ALLC: variants seen among roughly 807,000 people sequenced by gnomAD.
ALLC encodes probable inactive allantoicase.
A neutral mutation model predicts 45.0 loss-of-function variants in ALLC; 40 were observed. That is an observed-to-expected ratio of 0.89 (90% CI 0.69 to 1.16). The LOEUF (loss-of-function observed/expected upper bound fraction) is 1.16. Among genes scored for constraint, ALLC ranks in the 50% most tolerant of loss-of-function variants. The probability of loss-of-function intolerance (pLI) is 0.00; values close to 1 mark genes in which losing one functional copy is unlikely to be tolerated. For missense variants in ALLC, 488 were observed against 493.1 expected (o/e 0.99, Z 0.10); for synonymous variants, 176 against 178.1 (o/e 0.99, Z 0.09).
At chr2:3,684,950 T>C (rs1667286912) in intron 7 of ALLC, among the ~76,000 whole-genome samples, 1 of 152,216 alleles carries the variant, frequency 6.6e-6, no homozygotes, top group Admixed American at 6.5e-5. Context: ...TTAAAATCTA[T>C]TCCTCTGTTA....
intron 1 of ALLC, among the ~76,000 whole-genome samples, chr2:3,669,438 C>T (rs1257790420): frequency 6.6e-6 from 1 of 152,058 alleles, no homozygotes; most frequent in East Asian, 1.9e-4. Flanking sequence ...CATGCCGCTG[C>T]ACTCCAGCCT....
chr2:3,674,049 CTT>C, intron 2 of ALLC, 24 bp from the exon 3 acceptor site: 25 of 794,050 alleles, frequency 3.1e-5, no homozygotes, highest in Non-Finnish European at 3.7e-5. Context: ...GTTGCTTTAT[CTT>C]TCTTTCTTTC....
At chr2:3,678,299 G>A (rs1667078451) in intron 3 of ALLC, among the ~76,000 whole-genome samples, 169 bp from the exon 4 acceptor site, 1 of 152,202 alleles carries the variant, frequency 6.6e-6, no homozygotes, top group South Asian at 2.1e-4. Context: ...TAAAAGCGGA[G>A]GCATCTCTCA....
the ALLC span, among the ~76,000 whole-genome samples, chr2:3,648,613 G>T: frequency 2.0e-5 from 3 of 152,178 alleles, no homozygotes; most frequent in African/African-American, 4.8e-5. Context: ...CACAGGGAAG[G>T]CCTGCCAGCT....
At chr2:3,674,029 C>T in intron 2 of ALLC, 46 bp from the exon 3 acceptor site, 1 of 1,365,608 alleles carries the variant, frequency 7.3e-7, no homozygotes, top group Non-Finnish European at 1.0e-6. Flanking sequence ...AAAATGGTAT[C>T]AGATTTATGG....
chr2:3,672,408 C>T (rs1478537458), intron 2 of ALLC, among the ~76,000 whole-genome samples: 25 of 68,718 alleles, frequency 3.6e-4, no homozygotes, highest in South Asian at 1.9e-3. Context: ...TCTAGTTAGA[C>T]CTGTGGTCCT....
chr2:3,681,205 C>T (rs149932254), intron 5 of ALLC, among the ~76,000 whole-genome samples: 13 of 152,214 alleles, frequency 8.5e-5, no homozygotes, highest in South Asian at 2.1e-4. Flanking sequence ...CAGTGACAAA[C>T]GAGTAAGATT....
intron 1 of ALLC, among the ~76,000 whole-genome samples, chr2:3,668,375 C>G (rs1196306287): frequency 1.3e-5 from 2 of 151,968 alleles, no homozygotes; most frequent in Admixed American, 1.3e-4. Context: ...AGGAGAGCAG[C>G]TTTCATTCTG....
chr2:3,688,655 T>C, intron 7 of ALLC: 1 of 174,002 alleles, frequency 5.7e-6, no homozygotes. Context: ...CCCCTCTAAG[T>C]GAGCCTCAGC....
Position 3,672,425 on chromosome 2 carries a change from C to G in ALLC, c.33+1235C>G, listed in dbSNP as rs573631858. Among the ~76,000 whole-genome samples, 3 of 137,902 alleles carry G rather than the reference C, an allele frequency of 2.2e-5. No individual in the cohort carries two copies. The South Asian group carries it at 7.0e-4, about 32-fold the overall frequency. 90.5% of individuals were successfully genotyped at this position (137,902 alleles called of 152,430 possible). On this transcript the variant is annotated intron_variant, in intron 2 of 11. Coordinates refer to ENST00000252505, the MANE Select transcript of ALLC (RefSeq NM_018436.4). ...TAGTTAGACCTGTGGTCCTCTGGCT[C>G]TGGTTAGATGGGAGGTCCTCTGGCT...
At chr2:3,673,992 T>C in intron 2 of ALLC, 83 bp from the exon 3 acceptor site, 1 of 1,058,564 alleles carries the variant, frequency 9.4e-7, no homozygotes, top group African/African-American at 1.6e-5. Flanking sequence ...TTACTTCATC[T>C]CATAATGTTT....
chr2:3,647,758 G>A, the ALLC span, among the ~76,000 whole-genome samples: 4 of 151,860 alleles, frequency 2.6e-5, no homozygotes, highest in African/African-American at 4.8e-5. Context: ...GGACACTAGC[G>A]TTGTCTCAGC....
chr2:3,650,731 C>G, the ALLC span, among the ~76,000 whole-genome samples: 3 of 152,222 alleles, frequency 2.0e-5, no homozygotes, highest in Non-Finnish European at 4.4e-5. Context: ...ACTACCCCTC[C>G]CATGTGGGTA....
At chr2:3,700,274 G>GT (rs1171183579) in intron 10 of ALLC, among the ~76,000 whole-genome samples, 1 of 152,026 alleles carries the variant, frequency 6.6e-6, no homozygotes, top group Non-Finnish European at 1.5e-5. Flanking sequence ...CCCATTGCTT[G>GT]TTTTTTTAAG....
chr2:3,650,615 C>A, the ALLC span, among the ~76,000 whole-genome samples: 5 of 152,198 alleles, frequency 3.3e-5, no homozygotes, highest in African/African-American at 4.8e-5. Context: ...GCAGTGCGTG[C>A]ACCTCCCTTC....
chr2:3,695,686 A>T, intron 7 of ALLC, 31 bp from the exon 8 acceptor site: 1 of 1,613,726 alleles, frequency 6.2e-7, no homozygotes, highest in East Asian at 2.2e-5. Context: ...CCATTTTTAC[A>T]AACAATAACT....
At chr2:3,689,765 T>C (rs1667422517) in intron 7 of ALLC, among the ~76,000 whole-genome samples, 1 of 150,856 alleles carries the variant, frequency 6.6e-6, no homozygotes, top group East Asian at 2.0e-4. Context: ...TTTGTTGATT[T>C]TCTGTCTGGA....
the ALLC span, among the ~76,000 whole-genome samples, chr2:3,649,328 A>G: frequency 1.4e-5 from 2 of 146,088 alleles, no homozygotes; most frequent in African/African-American, 5.1e-5. Context: ...TGCAAACTCC[A>G]CCTCCTGGGT....
chr2:3,673,941 C>A, intron 2 of ALLC, 134 bp from the exon 3 acceptor site: 1 of 655,680 alleles, frequency 1.5e-6, no homozygotes, highest in Non-Finnish European at 2.7e-6. Flanking sequence ...GGCTTAACTG[C>A]AGATTCTGTC....
Sources: gnomAD v4.1 joint callset for allele counts (sites outside exome capture counted in the v4.1 genomes callset) on GRCh38, gnomAD v4.1.1 for gene constraint, MANE v1.5 for transcripts, NCBI Gene and HGNC (gene_info 2026-07-23, HGNC 2026-07-21) for gene names.